Variants in STPG3 observed in about 807,000 individuals in gnomAD.
STPG3 encodes protein STPG3.
Under a neutral mutation model 32.5 loss-of-function variants are expected in STPG3, and 39 were observed. That is an observed-to-expected ratio of 1.20 (90% CI 0.93 to 1.57). STPG3 has a LOEUF of 1.57. STPG3 is among the 40% of genes most tolerant of loss of function. The pLI, the probability that STPG3 is intolerant of heterozygous loss-of-function variation, is 0.00. For synonymous variants in STPG3, 209 were observed against 172.4 expected (o/e 1.21, Z -1.66); for missense variants, 507 against 407.6 (o/e 1.24, Z -2.10).
Position 137,252,922 on chromosome 9 carries a change from C to T in STPG3, c.753C>T (p.Phe251=). Residue 251 remains phenylalanine, a synonymous_variant, in exon 5 of 6, where the codon TTC becomes TTT. Transcript: ENST00000412566. Reference sequence around the variant, plus strand: ...TGCAGAGCCCCCGCTCGCCGGCCTTCTCGATGAGCCGCTCCCCTGCGTTCA... The same window carrying T: ...TGCAGAGCCCCCGCTCGCCGGCCTTTTCGATGAGCCGCTCCCCTGCGTTCA... ...SRLQSPRSPA[F]SMSRSPAFTS... is the part of the protein sequence containing the mutation. 2 of 1,600,220 alleles carry T rather than the reference C, an allele frequency of 1.2e-6. No homozygotes were observed. The highest frequency in any genetic ancestry group is 1.7e-4 in the Middle Eastern group (1 of 6,044).
rs752836562 is a variant in STPG3 at position 137,251,407 on chromosome 9, G to A, written c.110+11G>A. On this transcript the variant is annotated intron_variant, in intron 1 of 5. Transcript: ENST00000412566. ...ACCAGAGCCCACCCAGTAACTGGCG[G>A]AGAGGGGGAGAAGGGGCGGGCCAGC... is the stretch of plus-strand genomic sequence containing the variant. 44 of 1,596,670 alleles carry A rather than the reference G, an allele frequency of 2.8e-5. No homozygotes were observed. The highest frequency in any genetic ancestry group is 3.6e-5 in the Non-Finnish European group (42 of 1,166,152).
Position 137,252,056 on chromosome 9 carries a change from G to C in STPG3, c.324G>C (p.Arg108Ser), listed in dbSNP as rs775732219. The change falls in exon 3 of 6, where the codon AGG (arginine) becomes AGC (serine). Residue 108 changes from arginine (R) to serine (S), a missense_variant. Physicochemically the swap from Arg to Ser is moderately radical, Grantham distance 110. Transcript: ENST00000412566. Reference protein sequence around the residue: ...TADLEVPSPTRYQVPSPSVRE... With the variant: ...TADLEVPSPTSYQVPSPSVRE... ...ACCTGGAAGTCCCCAGCCCCACCAG[G>C]TACCAGGTGCCGAGCCCGTCCGTAC... 1 of 1,613,124 alleles carries C rather than the reference G, an allele frequency of 6.2e-7. No homozygotes were observed. The highest frequency in any genetic ancestry group is 8.5e-7 in the Non-Finnish European group (1 of 1,179,758).
chr9:137,251,846 C>T lies in STPG3; in HGVS notation c.219C>T (p.Gly73=). 1.9e-6 allele frequency: 3 copies of T among 1,607,542 alleles called. No homozygotes were observed. The highest frequency in any genetic ancestry group is 1.1e-5 in the South Asian group (1 of 89,882). The part of the protein sequence containing the change: ...EIPVGLRLQT[G]TPQESLPTYT... ...CAGTTGGCCTCAGGTTACAGACGGG[C>T]ACCCCCCAGGAGTCCCTGCCCACCT... The change falls in exon 2 of 6, where the codon GGC becomes GGT. Residue 73 remains glycine, a synonymous_variant. Coordinates refer to ENST00000412566, the MANE Select transcript of STPG3 (RefSeq NM_001004353.4).
chr9:137,253,311 C>T lies in STPG3; in HGVS notation c.*66C>T. ...GAACCATGGCCTCCCCCGGGGCTTT[C>T]CCAGGCCTCCCCTGGGACTTGGGGC... On this transcript the variant is annotated 3_prime_UTR_variant, in exon 6 of 6. Coordinates refer to ENST00000412566, the MANE Select transcript of STPG3 (RefSeq NM_001004353.4). 1 of 1,556,500 alleles carries T rather than the reference C, an allele frequency of 6.4e-7. No individual in the cohort carries two copies. The highest frequency in any genetic ancestry group is 1.2e-5 in the South Asian group (1 of 84,560).
At position 137,252,007 on chromosome 9, in the gene STPG3, AG is replaced by A. The variant is rs771051728; in HGVS notation, c.276del (p.Glu92AspfsTer5). On this transcript the variant is annotated frameshift_variant, in exon 3 of 6. Transcript: ENST00000412566. LOFTEE classifies it high-confidence loss of function. ...GCTTGCTTCCTGTGGCCAGTGCTGG[AG>A]CAACGCCCCCTGATCACAGCTGACC... Reference protein sequence around the residue: ...YTQTLRELLLEQRPLITADLE... With the variant: ...YTQTLRELLLXQRPLITADLE... 2 of 1,611,138 alleles carry A rather than the reference AG, an allele frequency of 1.2e-6. No homozygotes were observed. The highest frequency in any genetic ancestry group is 3.3e-5 in the Admixed American group (2 of 59,750).
rs551716830 is a variant in STPG3, at chr9:137,252,755, G to A, written c.586G>A (p.Gly196Ser). Residue 196 changes from glycine (G) to serine (S), a missense_variant, in exon 5 of 6, where the codon GGC becomes AGC. Physicochemically the swap from Gly to Ser is moderately conservative, Grantham distance 56 (BLOSUM62 0). Transcript: ENST00000412566. The stretch of plus-strand genomic sequence containing the variant: ...CCACTCCGCTTCCAAGACACCTGAA[G>A]GCCACACCCACCTAGGGCTGCCTGG... The part of the protein sequence containing the change: ...GCHSASKTPE[G>S]HTHLGLPGAR... 3.2e-6 allele frequency: 5 copies of A among 1,560,360 alleles called. No individual in the cohort carries two copies. In the East Asian group the frequency reaches 9.6e-5, roughly 30 times the overall value.
chr9:137,252,826 G>A lies in STPG3; in HGVS notation c.657G>A (p.Gln219=). 6.4e-7 allele frequency: 1 copy of A among 1,569,326 alleles called. No individual in the cohort carries two copies. Among genetic ancestry groups the A allele is most frequent in the Non-Finnish European group, 8.6e-7 (1 of 1,157,808 alleles). The part of the protein sequence containing the change: ...GLRVQPQSLL[Q]ASLQAPGKRC... Reference sequence around the variant, plus strand: ...GGGTGCAGCCCCAGTCCCTGCTTCAGGCCTCTTTGCAGGCACCTGGCAAGA... The same window carrying A: ...GGGTGCAGCCCCAGTCCCTGCTTCAAGCCTCTTTGCAGGCACCTGGCAAGA... Residue 219 remains glutamine (Q), a synonymous_variant, in exon 5 of 6, where the codon CAG becomes CAA. Coordinates refer to ENST00000412566, the MANE Select transcript of STPG3 (RefSeq NM_001004353.4).
At position 137,251,826 on chromosome 9, in the gene STPG3, G is replaced by A. The variant is rs1479145450; in HGVS notation, c.199G>A (p.Gly67Ser). 1 of 1,605,694 alleles carries A rather than the reference G, an allele frequency of 6.2e-7. No homozygotes were observed. Among genetic ancestry groups the A allele is most frequent in the Non-Finnish European group, 8.5e-7 (1 of 1,176,204 alleles). Reference sequence around the variant, plus strand: ...CCCAAAGATGAAGGAGATCCCAGTTGGCCTCAGGTTACAGACGGGCACCCC... The same window carrying A: ...CCCAAAGATGAAGGAGATCCCAGTTAGCCTCAGGTTACAGACGGGCACCCC... ...QPPKMKEIPVGLRLQTGTPQE... is the reference protein window; with the variant it reads ...QPPKMKEIPVSLRLQTGTPQE... Residue 67 changes from glycine (G) to serine (S), a missense_variant, in exon 2 of 6, where the codon GGC becomes AGC. By Grantham distance (56) the Gly-to-Ser change is moderately conservative (BLOSUM62 0). Coordinates refer to ENST00000412566, the MANE Select transcript of STPG3 (RefSeq NM_001004353.4).
chr9:137,252,207 G>A (rs1588878897), intron 3 of STPG3, 72 bp downstream of exon 3: 2 of 1,547,768 alleles, frequency 1.3e-6, no homozygotes, highest in East Asian at 2.3e-5. Context: ...CTTTGCCTCT[G>A]TGCTGAAACC....
intron 1 of STPG3, among the ~76,000 whole-genome samples, 166 bp from the exon 2 acceptor site, chr9:137,251,572 C>G (rs573010517): frequency 2.6e-4 from 36 of 137,756 alleles, no homozygotes; most frequent in Admixed American, 2.5e-3. Flanking sequence ...GTAGAGGGGA[C>G]AGGCGGCTGG....
rs769193616 is a variant in STPG3 at position 137,252,104 on chromosome 9, C to T, written c.372C>T (p.His124=). The part of the protein sequence containing the change: ...PSVRESSPHP[H]YSIGCKHQGR... The stretch of plus-strand genomic sequence containing the variant: ...TACGAGAGTCCTCCCCACACCCCCA[C>T]TACAGCATCGGCTGCAAGCACCAGG... Residue 124 remains histidine, a synonymous_variant, in exon 3 of 6, where the codon CAC becomes CAT. Coordinates refer to ENST00000412566, the MANE Select transcript of STPG3 (RefSeq NM_001004353.4). 3 of 1,612,308 alleles carry T rather than the reference C, an allele frequency of 1.9e-6. No individual in the cohort carries two copies. The highest frequency in any genetic ancestry group is 1.7e-5 in the Admixed American group (1 of 59,982).
rs1409651280 is a variant in STPG3, at chr9:137,252,917, G to A, written c.748G>A (p.Ala250Thr). The A allele has an allele frequency of 6.3e-7, 1 of 1,599,500 alleles. No homozygotes were observed. The highest frequency in any genetic ancestry group is 8.5e-7 in the Non-Finnish European group (1 of 1,173,718). ...GSRLQSPRSPAFSMSRSPAFT... is the reference protein window; with the variant it reads ...GSRLQSPRSPTFSMSRSPAFT... ...CCGCCTGCAGAGCCCCCGCTCGCCG[G>A]CCTTCTCGATGAGCCGCTCCCCTGC... Residue 250 changes from alanine (A) to threonine (T), a missense_variant, in exon 5 of 6, where the codon GCC (alanine) becomes ACC (threonine). By Grantham distance (58) the Ala-to-Thr change is moderately conservative. Transcript: ENST00000412566.
chr9:137,251,967 G>A lies in STPG3; in HGVS notation c.269-34G>A, dbSNP rs775177257. The A allele has an allele frequency of 9.4e-6, 15 of 1,601,744 alleles. No homozygotes were observed. In the African/African-American group the frequency reaches 1.1e-4, roughly 11 times the overall value. On this transcript the variant is annotated intron_variant, in intron 2 of 5. Transcript: ENST00000412566. ...GGCTGTGGGAGGGGCCCGCTGAAAGGAGCCCAGGCCCAGAGCTTGCTTCCT... is the reference window on the plus strand; with the variant it reads ...GGCTGTGGGAGGGGCCCGCTGAAAGAAGCCCAGGCCCAGAGCTTGCTTCCT...
At position 137,252,717 on chromosome 9, in the gene STPG3, G is replaced by T. The variant is rs1411869470; in HGVS notation, c.548G>T (p.Ser183Ile). 6.4e-7 allele frequency: 1 copy of T among 1,553,962 alleles called. No homozygotes were observed. The highest frequency in any genetic ancestry group is 1.9e-5 in the Admixed American group (1 of 51,568). The change falls in exon 5 of 6, where the codon AGC becomes ATC. Residue 183 changes from serine (S) to isoleucine (I), a missense_variant. Transcript: ENST00000412566. ...LLSRPAFPAF[S>I]FRGCHSASKT... ...AGCCGGCCCGCCTTCCCCGCCTTCAGCTTCAGAGGCTGCCACTCCGCTTCC... is the reference window on the plus strand; with the variant it reads ...AGCCGGCCCGCCTTCCCCGCCTTCATCTTCAGAGGCTGCCACTCCGCTTCC...
At chr9:137,252,196 C>A (rs1837370303) in intron 3 of STPG3, 61 bp downstream of exon 3, 3 of 1,562,180 alleles carry the variant, frequency 1.9e-6, no homozygotes, top group Non-Finnish European at 1.7e-6. Flanking sequence ...GGAATGGGGG[C>A]CTTTGCCTCT....
chr9:137,252,377 G>C, intron 3 of STPG3, 60 bp from the exon 4 acceptor site: 1 of 1,537,526 alleles, frequency 6.5e-7, no homozygotes, highest in South Asian at 1.2e-5. Flanking sequence ...ACAGGTTCGA[G>C]TGGGGACTGT....
In STPG3 at chr9:137,252,645, C is replaced by T; in HGVS notation, c.493-17C>T. ...GGGAGCACCCTGCCCTGCAGCCCGT[C>T]TCCTACCCCCTCGCAGTGGCCCTCG... is the stretch of plus-strand genomic sequence containing the variant. On this transcript the variant is annotated splice_polypyrimidine_tract_variant and intron_variant, in intron 4 of 5. Transcript: ENST00000412566. The T allele has an allele frequency of 6.5e-7, 1 of 1,530,272 alleles. No individual in the cohort carries two copies. The highest frequency in any genetic ancestry group is 8.8e-7 in the Non-Finnish European group (1 of 1,134,508). The allele number at this position is 1,530,272 out of a possible 1,614,324, so 94.8% of individuals were successfully genotyped here.
intron 4 of STPG3, 54 bp downstream of exon 4, chr9:137,252,579 G>A: frequency 6.7e-7 from 1 of 1,498,532 alleles, no homozygotes; most frequent in Non-Finnish European, 9.0e-7. Flanking sequence ...GGGGGCTGGG[G>A]GTTCCAGTGG....
rs1350287919 is a variant in STPG3, at chr9:137,252,352, G to A, written c.404-85G>A. 4.9e-6 allele frequency: 7 copies of A among 1,442,178 alleles called. No individual in the cohort carries two copies. In the East Asian group the frequency reaches 1.4e-4, roughly 30 times the overall value. 89.3% of individuals were successfully genotyped at this position (1,442,178 alleles called of 1,614,324 possible). On this transcript the variant is annotated intron_variant, in intron 3 of 5. Coordinates refer to ENST00000412566, the MANE Select transcript of STPG3 (RefSeq NM_001004353.4). ...TGAAGACAAGGGTTCAGGGGCCGAG[G>A]GTGGGAACCGGGAGACAGGTTCGAG...
Sources: gnomAD v4.1 joint callset for allele counts (sites outside exome capture counted in the v4.1 genomes callset) on GRCh38, gnomAD v4.1.1 for gene constraint, MANE v1.5 for transcripts, NCBI Gene and HGNC (gene_info 2026-07-23, HGNC 2026-07-21) for gene names.